CACNA1C: variants seen among roughly 807,000 people sequenced by gnomAD.
CACNA1C encodes voltage-dependent L-type calcium channel subunit alpha-1C.
Under a neutral mutation model 229.0 loss-of-function variants are expected in CACNA1C, and 30 were observed. That is an observed-to-expected ratio of 0.13 (90% CI 0.10 to 0.18). The LOEUF (loss-of-function observed/expected upper bound fraction) is 0.18, where lower values mean the gene tolerates loss of function less well. Ranked by LOEUF, CACNA1C falls within the 10% of genes least tolerant of loss-of-function variation. CACNA1C has a pLI of 1.00. For synonymous variants in CACNA1C, 1,114 were observed against 1,132.5 expected (o/e 0.98, Z 0.33); for missense variants, 1,658 against 2,845.0 (o/e 0.58, Z 9.49).
At chr12:2,330,330 G>T (rs979924122) in intron 3 of CACNA1C, among the ~76,000 whole-genome samples, 1 of 152,186 alleles carries the variant, frequency 6.6e-6, no homozygotes, top group African/African-American at 2.4e-5. Flanking sequence ...ACCTCATATT[G>T]CTAAGCCTCA....
intron 3 of CACNA1C, among the ~76,000 whole-genome samples, chr12:2,399,868 A>G (rs888992463): frequency 2.6e-5 from 4 of 152,088 alleles, no homozygotes; most frequent in Non-Finnish European, 5.9e-5. Context: ...ATCATTAATA[A>G]CTCAGCATCT....
At chr12:2,235,875 G>A (rs115444630) in intron 3 of CACNA1C, among the ~76,000 whole-genome samples, 1,661 of 152,272 alleles carry the variant, frequency 0.011, 33 homozygotes, top group African/African-American at 0.038. Context: ...ACTGTGTACA[G>A]TGCTTACTAC....
chr12:2,433,303 G>A (rs2154558835), intron 3 of CACNA1C, among the ~76,000 whole-genome samples: 1 of 152,282 alleles, frequency 6.6e-6, no homozygotes, highest in African/African-American at 2.4e-5. Flanking sequence ...TCCTACTCAG[G>A]GGCAGTCCCT....
chr12:2,261,681 G>A (rs958552424), intron 3 of CACNA1C, among the ~76,000 whole-genome samples: 4 of 152,200 alleles, frequency 2.6e-5, no homozygotes, highest in African/African-American at 9.7e-5. Context: ...TTTACTAGGA[G>A]ATATAGCATC....
chr12:2,316,495 C>T (rs755891831), intron 3 of CACNA1C, among the ~76,000 whole-genome samples: 1 of 152,222 alleles, frequency 6.6e-6, no homozygotes, highest in Non-Finnish European at 1.5e-5. Flanking sequence ...GCTTCATGCA[C>T]AGCTGAAGCT....
At chr12:2,170,670 A>G (rs753904688) in intron 3 of CACNA1C, among the ~76,000 whole-genome samples, 2 of 152,202 alleles carry the variant, frequency 1.3e-5, no homozygotes, top group Non-Finnish European at 2.9e-5. Flanking sequence ...TGTGTCTAGA[A>G]GCCTGGGCTG....
chr12:2,031,993 T>TG (rs2048307734), intron 1 of CACNA1C, among the ~76,000 whole-genome samples: 1 of 150,940 alleles, frequency 6.6e-6, no homozygotes, highest in Admixed American at 6.6e-5. Context: ...GTGAGTGTGT[T>TG]TGTGTGTGTG....
intron 3 of CACNA1C, among the ~76,000 whole-genome samples, chr12:2,328,833 A>G: frequency 6.6e-6 from 1 of 152,224 alleles, no homozygotes; most frequent in South Asian, 2.1e-4. Flanking sequence ...ATCAATTGCA[A>G]CATTCACTTT....
At chr12:2,361,023 G>A (rs1000606175) in intron 3 of CACNA1C, among the ~76,000 whole-genome samples, 53 of 152,032 alleles carry the variant, frequency 3.5e-4, no homozygotes, top group African/African-American at 1.2e-3. Flanking sequence ...TTTGGCCTCA[G>A]AACAGTCTTG....
At position 2,348,268 on chromosome 12, in the gene CACNA1C, C is replaced by T. The variant is rs879485185; in HGVS notation, c.478-100708C>T. ...CCGGAAGGGGGGCAGGTCTGCAGCC[C>T]CTCCCCCACTGCAGGGCCAGGACAG... On this transcript the variant is annotated intron_variant, in intron 3 of 46. Coordinates refer to ENST00000399655, the MANE Select transcript of CACNA1C (RefSeq NM_000719.7). The surrounding 1 kb of genome is among the most constrained non-coding windows in gnomAD (Gnocchi z 4.7). Among the ~76,000 whole-genome samples, 30 of 152,204 alleles carry T rather than the reference C, an allele frequency of 2.0e-4. No individual in the cohort carries two copies. The highest frequency in any genetic ancestry group is 3.7e-4 in the Non-Finnish European group (25 of 68,038).
rs3085990 is a variant in CACNA1C, at chr12:2,067,481, T to TGTGTGTGTGTGTGC, written c.49+13871_49+13872insTGTGTGTGTGTGCG. Reference sequence around the variant, plus strand: ...GTGTGTGTGTGTGTGTGTGTGTGTGTGCGCGCGTGTGCGTGCCTGTATGTA... The same window carrying TGTGTGTGTGTGTGC: ...GTGTGTGTGTGTGTGTGTGTGTGTGTGTGTGTGTGTGTGCGCGCGCGTGTGCGTGCCTGTATGTA... On this transcript the variant is annotated intron_variant, in intron 1 of 46. Transcript: ENST00000399655. This position sits in a 1 kb window ranked among gnomAD's most constrained non-coding sequence, Gnocchi z 5.3. 0.019 allele frequency among the ~76,000 whole-genome samples: 2,640 copies of TGTGTGTGTGTGTGC among 140,790 alleles called. 33 individuals are homozygous for TGTGTGTGTGTGTGC. The highest frequency in any genetic ancestry group is 0.021 in the African/African-American group (774 of 36,710). The allele number at this position is 140,790 out of a possible 152,430, so 92.4% of individuals were successfully genotyped here.
At chr12:2,688,062 G>A (rs140684793) in intron 45 of CACNA1C, among the ~76,000 whole-genome samples, 9 of 152,322 alleles carry the variant, frequency 5.9e-5, no homozygotes, top group East Asian at 3.9e-4. Context: ...GACAGCATTC[G>A]TTTTCTGGCT....
chr12:1,993,158 A>G (rs768798162), intron 1 of CACNA1C: 2 of 1,456,428 alleles, frequency 1.4e-6, no homozygotes, highest in South Asian at 1.1e-5. Flanking sequence ...GACACCCCCC[A>G]TAGCCACTGA....
chr12:2,662,014 G>A (rs931093200), intron 34 of CACNA1C, among the ~76,000 whole-genome samples: 3 of 152,154 alleles, frequency 2.0e-5, no homozygotes, highest in Non-Finnish European at 4.4e-5. Flanking sequence ...AGGCCAAGGC[G>A]GGTGGATCAC....
chr12:2,386,428 C>A (rs1192872133), intron 3 of CACNA1C, among the ~76,000 whole-genome samples: 1 of 152,200 alleles, frequency 6.6e-6, no homozygotes, highest in Non-Finnish European at 1.5e-5. Flanking sequence ...TTCTTCAGTC[C>A]TGCCACACAC....
chr12:2,328,132 C>T (rs1429976676), intron 3 of CACNA1C, among the ~76,000 whole-genome samples: 1 of 152,206 alleles, frequency 6.6e-6, no homozygotes, highest in Non-Finnish European at 1.5e-5. Context: ...TCCTTTTCTC[C>T]CCGTGCACTG....
At chr12:2,080,898 G>A (rs538937752) in intron 1 of CACNA1C, among the ~76,000 whole-genome samples, 2 of 152,070 alleles carry the variant, frequency 1.3e-5, no homozygotes, top group Non-Finnish European at 2.9e-5. Context: ...GAATGAAAAA[G>A]GTTAACTTAC....
Position 2,354,538 on chromosome 12 carries a change from A to G in CACNA1C, c.478-94438A>G, listed in dbSNP as rs1414163547. 6.6e-6 allele frequency among the ~76,000 whole-genome samples: 1 copy of G among 152,180 alleles called. No individual in the cohort carries two copies. Among genetic ancestry groups the G allele is most frequent in the Admixed American group, 6.5e-5 (1 of 15,288 alleles). On this transcript the variant is annotated intron_variant, in intron 3 of 46. Transcript: ENST00000399655. This position sits in a 1 kb window ranked among gnomAD's most constrained non-coding sequence, Gnocchi z 4.6. The stretch of plus-strand genomic sequence containing the variant: ...AATTGAATTCCATCTTTGAGACCCA[A>G]GAGAGGGAAAATGCCTTTCCGCATG...
intron 5 of CACNA1C, among the ~76,000 whole-genome samples, chr12:2,475,680 C>T (rs1238954246): frequency 6.6e-6 from 1 of 152,296 alleles, no homozygotes; most frequent in African/African-American, 2.4e-5. Flanking sequence ...TAATCAAACA[C>T]AGAAACTGAA....
Sources: gnomAD v4.1 joint callset for allele counts (sites outside exome capture counted in the v4.1 genomes callset) on GRCh38, gnomAD v4.1.1 for gene constraint, Gnocchi (gnomAD v3.1) non-coding constraint, MANE v1.5 for transcripts, NCBI Gene and HGNC (gene_info 2026-07-23, HGNC 2026-07-21) for gene names.